CFAP299: variants seen among roughly 807,000 people sequenced by gnomAD.
The protein encoded by CFAP299 is cilia and flagella associated protein 299, also known as cilia- and flagella-associated protein 299.
In CFAP299, 21 loss-of-function variants were observed where a neutral mutation model predicts 27.0. The ratio of observed to expected loss-of-function variants is 0.78; its 90% confidence interval spans 0.55 to 1.12. CFAP299 has a LOEUF of 1.12. CFAP299 is among the 50% of genes most tolerant of loss of function. The pLI is 0.00. For missense variants in CFAP299, 310 were observed against 276.6 expected (o/e 1.12, Z -0.86); for synonymous variants, 104 against 98.1 (o/e 1.06, Z -0.36).
At chr4:80,459,400 T>C (rs1402184024) in intron 2 of CFAP299, among the ~76,000 whole-genome samples, 1 of 152,194 alleles carries the variant, frequency 6.6e-6, no homozygotes, top group Non-Finnish European at 1.5e-5. Flanking sequence ...GCCGGAAGTA[T>C]GCCAACATGT....
chr4:80,511,984 A>G (rs971694360), intron 2 of CFAP299, among the ~76,000 whole-genome samples: 1 of 152,324 alleles, frequency 6.6e-6, no homozygotes, highest in East Asian at 1.9e-4. Context: ...TTTGGAAATT[A>G]TTAATCAACT....
intron 3 of CFAP299, among the ~76,000 whole-genome samples, chr4:80,630,095 G>T (rs1426756687): frequency 6.6e-6 from 1 of 152,072 alleles, no homozygotes; most frequent in African/African-American, 2.4e-5. Context: ...AAGGCAAAGA[G>T]ATAGGAATTT....
chr4:80,561,165 C>G (rs1185163538), intron 2 of CFAP299, among the ~76,000 whole-genome samples: 1 of 152,156 alleles, frequency 6.6e-6, no homozygotes, highest in Non-Finnish European at 1.5e-5. Context: ...GAACAACAGT[C>G]TCTGCCTGGT....
At chr4:80,386,517 G>GT (rs1553918699) in intron 2 of CFAP299, 2 of 1,489,286 alleles carry the variant, frequency 1.3e-6, no homozygotes, top group South Asian at 1.2e-5. Flanking sequence ...GGTGGTGGGG[G>GT]GGGGGGGTGC....
At chr4:80,322,377 G>A in the CFAP299 span, among the ~76,000 whole-genome samples, 1 of 152,122 alleles carries the variant, frequency 6.6e-6, no homozygotes, top group African/African-American at 2.4e-5. Context: ...AGAATCATCT[G>A]GTGGGACTCA....
chr4:80,748,321 G>T (rs1445853733), intron 3 of CFAP299, among the ~76,000 whole-genome samples: 2 of 151,968 alleles, frequency 1.3e-5, no homozygotes, highest in Admixed American at 6.6e-5. Context: ...TATCTATTGA[G>T]AATGGAAATA....
intron 3 of CFAP299, among the ~76,000 whole-genome samples, chr4:80,765,939 A>C (rs1725836971): frequency 6.6e-6 from 1 of 152,178 alleles, no homozygotes; most frequent in Non-Finnish European, 1.5e-5. Context: ...ATAAAACCAA[A>C]ATGTACAACA....
chr4:80,943,064 T>C (rs1036688870), intron 4 of CFAP299, among the ~76,000 whole-genome samples: 2 of 152,210 alleles, frequency 1.3e-5, no homozygotes, highest in Non-Finnish European at 2.9e-5. Flanking sequence ...TGAAGGCTTA[T>C]TAAGTTGAGG....
chr4:80,653,537 C>T (rs934830741), intron 3 of CFAP299, among the ~76,000 whole-genome samples: 2 of 152,082 alleles, frequency 1.3e-5, no homozygotes, highest in African/African-American at 4.8e-5. Context: ...ACAGTGTCTT[C>T]TCATTGTCCT....
chr4:80,951,889 T>G (rs762568028), intron 5 of CFAP299, among the ~76,000 whole-genome samples: 2 of 152,194 alleles, frequency 1.3e-5, no homozygotes, highest in Non-Finnish European at 2.9e-5. Flanking sequence ...GCACAGACCA[T>G]ATACCAAAGA....
At position 80,844,371 on chromosome 4, in the gene CFAP299, T is replaced by G. The variant is rs138380883; in HGVS notation, c.334-25622T>G. ...TTGAACTAGTTTACAGTCCCACCAA[T>G]AGTGTAAAAGTGTTCCTATTTTTCC... is the stretch of plus-strand genomic sequence containing the variant. On this transcript the variant is annotated intron_variant, in intron 3 of 5. Transcript: ENST00000358105. Among the ~76,000 whole-genome samples the G allele has an allele frequency of 8.7e-3, 1,321 of 152,238 alleles. 20 individuals are homozygous for G. Among genetic ancestry groups the G allele is most frequent in the African/African-American group, 0.03 (1,254 of 41,560 alleles).
At chr4:80,516,155 G>A (rs1732579478) in intron 2 of CFAP299, among the ~76,000 whole-genome samples, 1 of 151,654 alleles carries the variant, frequency 6.6e-6, no homozygotes, top group Non-Finnish European at 1.5e-5. Flanking sequence ...CAAGTAGCTG[G>A]GATTACAGGT....
At chr4:80,662,211 T>C (rs547244797) in intron 3 of CFAP299, among the ~76,000 whole-genome samples, 5 of 152,220 alleles carry the variant, frequency 3.3e-5, no homozygotes, top group African/African-American at 1.2e-4. Flanking sequence ...CTCCTTCCCC[T>C]TTTGAAAATC....
chr4:80,931,346 T>TC (rs1252487864), intron 4 of CFAP299, among the ~76,000 whole-genome samples: 3 of 152,098 alleles, frequency 2.0e-5, no homozygotes, highest in African/African-American at 7.2e-5. Flanking sequence ...ACCTAAATGT[T>TC]CCCCTTAGAA....
upstream of CFAP299, among the ~76,000 whole-genome samples, chr4:80,334,707 A>G (rs1722055737): frequency 6.6e-6 from 1 of 152,230 alleles, no homozygotes; most frequent in Non-Finnish European, 1.5e-5. Flanking sequence ...ACAAACAAAA[A>G]AACAAGTTAG....
chr4:80,351,881 TTAA>T (rs1436530995), intron 1 of CFAP299, among the ~76,000 whole-genome samples: 4 of 150,212 alleles, frequency 2.7e-5, no homozygotes, highest in Non-Finnish European at 4.4e-5. Flanking sequence ...TAATGATTTA[TTAA>T]TAATTATGAT....
chr4:80,350,852 T>A (rs1722979863), intron 1 of CFAP299, among the ~76,000 whole-genome samples: 1 of 152,008 alleles, frequency 6.6e-6, no homozygotes, highest in South Asian at 2.1e-4. Flanking sequence ...AAAACCTAGA[T>A]GATGGATTGA....
chr4:80,326,882 A>G, the CFAP299 span, among the ~76,000 whole-genome samples: 2 of 152,214 alleles, frequency 1.3e-5, no homozygotes, highest in African/African-American at 4.8e-5. Context: ...TTTAAAGACT[A>G]TCAAATGATT....
chr4:80,604,928 G>A (rs1737576251), intron 3 of CFAP299, among the ~76,000 whole-genome samples: 1 of 150,372 alleles, frequency 6.7e-6, no homozygotes, highest in Non-Finnish European at 1.5e-5. Flanking sequence ...GAAAGGATAA[G>A]GGAGAGGAGA....
Sources: allele counts gnomAD v4.1 joint callset (sites outside exome capture counted in the v4.1 genomes callset), GRCh38; gene constraint gnomAD v4.1.1; transcripts MANE v1.5; gene names NCBI Gene and HGNC (gene_info 2026-07-23, HGNC 2026-07-21).